Variants in ZNF75A observed in about 807,000 individuals in gnomAD.
The protein encoded by ZNF75A is zinc finger protein 75A.
In ZNF75A, 36 loss-of-function variants were observed where a neutral mutation model predicts 46.3. That is an observed-to-expected ratio of 0.78 (90% CI 0.60 to 1.03). The LOEUF is 1.03. Ranked by LOEUF, ZNF75A falls within the 50% of genes least tolerant of loss-of-function variation. ZNF75A has a pLI of 0.00. For synonymous variants in ZNF75A, 234 were observed against 189.9 expected, an observed-to-expected ratio of 1.23 and a Z score of -1.91; for missense variants, 595 against 551.3, an observed-to-expected ratio of 1.08 and a Z score of -0.79.
intron 5 of ZNF75A, among the ~76,000 whole-genome samples, chr16:3,315,463 G>T (rs1366004870): frequency 6.6e-6 from 1 of 152,056 alleles, no homozygotes; most frequent in Non-Finnish European, 1.5e-5. Flanking sequence ...CCAAAGTGCT[G>T]GGATTATAGG....
intron 5 of ZNF75A, among the ~76,000 whole-genome samples, chr16:3,313,409 A>G (rs1960958311): frequency 6.6e-6 from 1 of 151,962 alleles, no homozygotes; most frequent in African/African-American, 2.4e-5. Context: ...TTTCCACCAA[A>G]CTTCCTCTTC....
chr16:3,312,933 A>G (rs1960920426), intron 4 of ZNF75A, 116 bp from the exon 5 acceptor site: 1 of 1,374,484 alleles, frequency 7.3e-7, no homozygotes, highest in East Asian at 2.5e-5. Flanking sequence ...CTGCCTTCTC[A>G]CTTAAAAAAA....
At chr16:3,316,832 C>T (rs1961243448) in intron 5 of ZNF75A, 80 bp from the exon 6 acceptor site, 3 of 920,960 alleles carry the variant, frequency 3.3e-6, no homozygotes, top group Non-Finnish European at 5.1e-6. Context: ...TGTCTTTGGT[C>T]ATCCTGAAAC....
chr16:3,319,772 T>C (rs1011411304), downstream of ZNF75A, among the ~76,000 whole-genome samples: 1 of 150,444 alleles, frequency 6.6e-6, no homozygotes, highest in Non-Finnish European at 1.5e-5. Flanking sequence ...AGCCTCTGGC[T>C]GAAGCTTTTC....
rs1960904966 is a variant in ZNF75A at position 3,312,727 on chromosome 16, G to C, written c.655G>C (p.Asp219His). ...LAFPEQTNTKDWTVTPEHVLP... is the reference protein window; with the variant it reads ...LAFPEQTNTKHWTVTPEHVLP... ...TTTTCCTGAGCAAACAAACACCAAAGACTGGACAGTGACACCTGAGCACGT... is the reference window on the plus strand; with the variant it reads ...TTTTCCTGAGCAAACAAACACCAAACACTGGACAGTGACACCTGAGCACGT... The change falls in exon 4 of 7, where the codon GAC becomes CAC. Residue 219 changes from aspartate (D) to histidine (H), a missense_variant. Transcript: ENST00000669516. 4 of 1,034,122 alleles carry C rather than the reference G, an allele frequency of 3.9e-6. No homozygotes were observed. Among genetic ancestry groups the C allele is most frequent in the Admixed American group, 5.1e-5 (1 of 19,516 alleles). 64.1% of individuals were successfully genotyped at this position (1,034,122 alleles called of 1,614,324 possible). A position where few individuals can be genotyped will look rare whatever the true frequency, so the allele number is the denominator to read the frequency against.
At chr16:3,323,121 CAAA>C (rs143414069), downstream of ZNF75A, 6,401 of 529,774 alleles carry the variant, frequency 0.012, 353 homozygotes, top group African/African-American at 0.11. Context: ...AAAAAAATCT[CAAA>C]AAAACAAAAA....
rs1961380260 is a variant in ZNF75A, at chr16:3,318,308, A to G, written c.*439A>G. 2.0e-6 allele frequency: 2 copies of G among 990,054 alleles called. No individual in the cohort carries two copies. The highest frequency in any genetic ancestry group is 2.4e-6 in the Non-Finnish European group (2 of 833,082). The allele number at this position is 990,054 out of a possible 1,614,324, so 61.3% of individuals were successfully genotyped here. A position where few individuals can be genotyped will look rare whatever the true frequency, so the allele number is the denominator to read the frequency against. On this transcript the variant is annotated 3_prime_UTR_variant, in exon 7 of 7. Coordinates refer to ENST00000669516, the MANE Select transcript of ZNF75A (RefSeq NM_001302109.2). ...CATTGGACACGGTTTGCAAAGTTGG[A>G]CATCACTTGAGTTCCTTCTTAAACT...
chr16:3,318,380 A>G lies in ZNF75A; in HGVS notation c.*511A>G, dbSNP rs936916455. ...CCTGTTATCACAGTTTTTTACTGTG[A>G]TGAAATCTTGTTAACCACCACTAGG... On this transcript the variant is annotated 3_prime_UTR_variant, in exon 7 of 7. Transcript: ENST00000669516. 17 of 987,154 alleles carry G rather than the reference A, an allele frequency of 1.7e-5. No homozygotes were observed. In the African/African-American group the frequency reaches 2.4e-4, roughly 14 times the overall value. 61.1% of individuals were successfully genotyped at this position (987,154 alleles called of 1,614,324 possible).
chr16:3,315,441 T>C (rs1471070205), intron 5 of ZNF75A, among the ~76,000 whole-genome samples: 2 of 152,150 alleles, frequency 1.3e-5, no homozygotes, highest in African/African-American at 2.4e-5. Context: ...GTGATCCACC[T>C]GCCTTGGCCT....
intron 1 of ZNF75A, 21 bp downstream of exon 1, chr16:3,305,664 C>T (rs537515226): frequency 6.6e-6 from 1 of 152,348 alleles, no homozygotes; most frequent in South Asian, 2.1e-4. Context: ...AGCGGCTTCC[C>T]CTATGGCTTC....
At chr16:3,312,951 C>A in intron 4 of ZNF75A, 98 bp from the exon 5 acceptor site, 1 of 1,416,876 alleles carries the variant, frequency 7.1e-7, no homozygotes, top group Non-Finnish European at 9.4e-7. Flanking sequence ...AAATCATGTT[C>A]TTTTAATTCC....
Position 3,317,259 on chromosome 16 carries a change from C to T in ZNF75A, c.1004C>T (p.Ser335Leu). Residue 335 changes from serine to leucine, a missense_variant, in exon 7 of 7, where the codon TCA (serine) becomes TTA (leucine). By Grantham distance (145) the Ser-to-Leu change is moderately radical. Transcript: ENST00000669516. ...VSLSDLEIQA[S>L]AGVISKKAKV... Reference sequence around the variant, plus strand: ...CTTTCTGACTTAGAAATACAAGCATCAGCAGGCGTCATATCAAAAAAGGCC... The same window carrying T: ...CTTTCTGACTTAGAAATACAAGCATTAGCAGGCGTCATATCAAAAAAGGCC... 2 of 1,614,018 alleles carry T rather than the reference C, an allele frequency of 1.2e-6. No individual in the cohort carries two copies. The highest frequency in any genetic ancestry group is 1.1e-5 in the South Asian group (1 of 91,064).
At chr16:3,322,852 C>A (rs993949910), downstream of ZNF75A, 5 of 971,860 alleles carry the variant, frequency 5.1e-6, no homozygotes, top group African/African-American at 8.8e-5. Context: ...TCGACTGCTC[C>A]CGGAGTCTTA....
At chr16:3,317,077 G>A in intron 6 of ZNF75A, 55 bp downstream of exon 6, 1 of 1,542,856 alleles carries the variant, frequency 6.5e-7, no homozygotes, top group Non-Finnish European at 8.8e-7. Context: ...TTTTGCAAGG[G>A]CTTAACATTT....
rs910843063 is a variant in ZNF75A, at chr16:3,318,367, G to C, written c.*498G>C. ...ACTTCTCTTGGATCCTGTTATCACA[G>C]TTTTTTACTGTGATGAAATCTTGTT... is the stretch of plus-strand genomic sequence containing the variant. On this transcript the variant is annotated 3_prime_UTR_variant, in exon 7 of 7. Coordinates refer to ENST00000669516, the MANE Select transcript of ZNF75A (RefSeq NM_001302109.2). 3.0e-6 allele frequency: 3 copies of C among 987,402 alleles called. No individual in the cohort carries two copies. The highest frequency in any genetic ancestry group is 3.6e-6 in the Non-Finnish European group (3 of 831,348). 61.2% of individuals were successfully genotyped at this position (987,402 alleles called of 1,614,324 possible).
At chr16:3,311,263 C>T (rs1013170256) in intron 2 of ZNF75A, among the ~76,000 whole-genome samples, 2 of 151,996 alleles carry the variant, frequency 1.3e-5, no homozygotes, top group African/African-American at 4.8e-5. Context: ...CATGAAGAAA[C>T]CCCGTCTCTA....
intron 1 of ZNF75A, chr16:3,307,677 C>G (rs1014947069): frequency 7.1e-6 from 1 of 140,104 alleles, no homozygotes; most frequent in South Asian, 2.2e-4. Flanking sequence ...ACCATCCTGG[C>G]TATTTTTTTT....
intron 2 of ZNF75A, 133 bp downstream of exon 2, chr16:3,308,969 G>T: frequency 2.2e-6 from 1 of 451,488 alleles, no homozygotes; most frequent in Non-Finnish European, 2.9e-6. Flanking sequence ...GGACAGTTAA[G>T]GTGGGACTTG....
At chr16:3,323,329 G>C (rs2030012442), downstream of ZNF75A, 2 of 1,103,344 alleles carry the variant, frequency 1.8e-6, no homozygotes, top group Non-Finnish European at 2.7e-6. Context: ...GAGATCTCCT[G>C]GAAATGCTTC....
Sources: gnomAD v4.1 joint callset for allele counts (sites outside exome capture counted in the v4.1 genomes callset) on GRCh38, gnomAD v4.1.1 for gene constraint, MANE v1.5 for transcripts, NCBI Gene and HGNC (gene_info 2026-07-23, HGNC 2026-07-21) for gene names.